Variants in RDX observed in about 807,000 individuals in gnomAD.
The protein encoded by RDX is radixin.
A neutral mutation model predicts 83.7 loss-of-function variants in RDX; 32 were observed. The observed-to-expected ratio is 0.38, with a 90% CI of 0.29 to 0.51. The LOEUF (loss-of-function observed/expected upper bound fraction) is 0.51, where lower values mean the gene tolerates loss of function less well. RDX is among the 20% of genes least tolerant of loss of function. The pLI, the probability that RDX is intolerant of heterozygous loss-of-function variation, is 0.87. For missense variants in RDX, 600 were observed against 689.9 expected, an observed-to-expected ratio of 0.87 and a Z score of 1.46; for synonymous variants, 229 against 222.7, an observed-to-expected ratio of 1.03 and a Z score of -0.25.
At position 110,258,086 on chromosome 11, in the gene RDX, G is replaced by A; in HGVS notation, c.551+20C>T. ...ACTTTGAAGGAAAAAAGAAAACATA[G>A]AAAATAGCTACCCAAATACCTTAAC... On this transcript the variant is annotated intron_variant, in intron 6 of 13. Coordinates refer to ENST00000645495, the MANE Select transcript of RDX (RefSeq NM_002906.4). The A allele has an allele frequency of 6.4e-7, 1 of 1,564,016 alleles. No homozygotes were observed. The highest frequency in any genetic ancestry group is 8.8e-7 in the Non-Finnish European group (1 of 1,138,496).
intron 14 of RDX, among the ~76,000 whole-genome samples, chr11:110,222,405 G>C (rs1049674968): frequency 6.6e-5 from 10 of 152,128 alleles, no homozygotes; most frequent in African/African-American, 2.4e-4. Flanking sequence ...ATATCCAGAG[G>C]ATTAGGTTCT....
At chr11:110,228,099 G>A (rs1864490457), downstream of RDX, among the ~76,000 whole-genome samples, 1 of 151,954 alleles carries the variant, frequency 6.6e-6, no homozygotes, top group African/African-American at 2.4e-5. Flanking sequence ...TTGATACATG[G>A]ACATAGTAAG....
At chr11:110,279,017 C>G (rs1337206772) in intron 2 of RDX, among the ~76,000 whole-genome samples, 1 of 152,118 alleles carries the variant, frequency 6.6e-6, no homozygotes, top group African/African-American at 2.4e-5. Context: ...TATATAATAT[C>G]AGTATGGGTA....
intron 10 of RDX, among the ~76,000 whole-genome samples, chr11:110,244,921 T>A (rs1859035743): frequency 6.6e-6 from 1 of 151,810 alleles, no homozygotes; most frequent in Non-Finnish European, 1.5e-5. Context: ...AAATTGAGCC[T>A]CATACTTGAG....
chr11:110,268,555 A>G (rs539239664), intron 3 of RDX, among the ~76,000 whole-genome samples: 1 of 152,344 alleles, frequency 6.6e-6, no homozygotes, highest in Non-Finnish European at 1.5e-5. Context: ...GAGAAGTATA[A>G]CAAAGCAGCT....
intron 1 of RDX, among the ~76,000 whole-genome samples, chr11:110,291,817 G>A (rs1368582958): frequency 1.3e-5 from 2 of 152,110 alleles, no homozygotes; most frequent in African/African-American, 4.8e-5. Flanking sequence ...TTGAGCCTCT[G>A]GACTTTTAGT....
rs146031062 is a variant in RDX, at chr11:110,231,890, G to T, written c.1731C>A (p.Ile577=). Residue 577 remains isoleucine, a synonymous_variant, in exon 14 of 14, where the codon ATC becomes ATA. Transcript: ENST00000645495. ...GCTCTCACATTGCTTCAAACTCATC[G>T]ATACGCTGCTTTGTATTGCCTTGTC... ...QIRQGNTKQR[I]DEFEAM is the part of the protein sequence containing the mutation. 1 of 1,612,860 alleles carries T rather than the reference G, an allele frequency of 6.2e-7. No homozygotes were observed. Among genetic ancestry groups the T allele is most frequent in the East Asian group, 2.2e-5 (1 of 44,878 alleles).
chr11:110,203,400 A>T (rs1330305649), intron 14 of RDX, among the ~76,000 whole-genome samples: 1 of 144,100 alleles, frequency 6.9e-6, no homozygotes, highest in African/African-American at 2.6e-5. Flanking sequence ...GGGAGGTGAG[A>T]ATTGTTAATG....
chr11:110,217,846 T>C (rs1864110283), intron 14 of RDX, among the ~76,000 whole-genome samples: 1 of 144,816 alleles, frequency 6.9e-6, no homozygotes, highest in South Asian at 2.2e-4. Flanking sequence ...TACCTAGCTC[T>C]GAGTGCCTCT....
chr11:110,215,157 G>A lies in RDX; in HGVS notation c.1749-15479C>T, dbSNP rs1160244141. On this transcript the variant is annotated intron_variant, in intron 14 of 15. Coordinates refer to the RDX transcript ENST00000528498. Reference sequence around the variant, plus strand: ...GGGCGGATCACGAGGTCAGGAGATCGAGACAATCCTGGCTAACATGGTGAA... The same window carrying A: ...GGGCGGATCACGAGGTCAGGAGATCAAGACAATCCTGGCTAACATGGTGAA... Among the ~76,000 whole-genome samples, 10 of 150,024 alleles carry A rather than the reference G, an allele frequency of 6.7e-5. No individual in the cohort carries two copies. In the South Asian group the frequency reaches 8.4e-4, roughly 13 times the overall value.
At chr11:110,248,707 A>C (rs371731278) in intron 9 of RDX, among the ~76,000 whole-genome samples, 6 of 152,186 alleles carry the variant, frequency 3.9e-5, no homozygotes, top group Admixed American at 2.0e-4. Flanking sequence ...CCCCAAGAAA[A>C]TATCTTCTTT....
chr11:110,198,517 T>C (rs1224443282), intron 15 of RDX, among the ~76,000 whole-genome samples: 2 of 152,320 alleles, frequency 1.3e-5, no homozygotes, highest in South Asian at 2.1e-4. Flanking sequence ...ACAAGCATTA[T>C]GGCCTGAGCG....
intron 2 of RDX, among the ~76,000 whole-genome samples, chr11:110,274,737 A>C: frequency 6.6e-6 from 1 of 152,194 alleles, no homozygotes; most frequent in Admixed American, 6.5e-5. Flanking sequence ...ATATGTTTCT[A>C]AGATTCATTG....
chr11:110,222,638 T>C (rs1162525047), intron 14 of RDX, among the ~76,000 whole-genome samples: 4 of 151,994 alleles, frequency 2.6e-5, no homozygotes, highest in Admixed American at 2.0e-4. Context: ...CTACTAAAAA[T>C]ACAAAAACTT....
intron 1 of RDX, among the ~76,000 whole-genome samples, chr11:110,296,068 C>A (rs1591197071): frequency 6.6e-6 from 1 of 152,366 alleles, no homozygotes; most frequent in East Asian, 1.9e-4. Context: ...TGGGACCATG[C>A]CAGCCCGGGC....
At chr11:110,281,102 T>G (rs1441171473) in intron 1 of RDX, among the ~76,000 whole-genome samples, 1 of 146,240 alleles carries the variant, frequency 6.8e-6, no homozygotes, top group African/African-American at 2.5e-5. Flanking sequence ...AAAGCAGAGG[T>G]TGCAGTGAGC....
At chr11:110,192,680 A>G (rs952387924) in intron 15 of RDX, among the ~76,000 whole-genome samples, 26 of 152,308 alleles carry the variant, frequency 1.7e-4, no homozygotes, top group Non-Finnish European at 2.5e-4. Context: ...CAAAAAACAA[A>G]TAACTCCATT....
Position 110,289,653 on chromosome 11 carries a change from A to C in RDX, c.-65+6814T>G, listed in dbSNP as rs576693587. Among the ~76,000 whole-genome samples, 389 of 152,230 alleles carry C rather than the reference A, an allele frequency of 2.6e-3. 2 individuals carry two copies. Among genetic ancestry groups the C allele is most frequent in the African/African-American group, 8.7e-3 (363 of 41,534 alleles). On this transcript the variant is annotated intron_variant, in intron 1 of 13. Coordinates refer to ENST00000645495, the MANE Select transcript of RDX (RefSeq NM_002906.4). ...TTATGTTGACTGGGGGCGGTGGCTC[A>C]CACCAGAAATCTCGGCACTTTGGGA...
Position 110,254,378 on chromosome 11 carries a change from C to A in RDX, c.796-269G>T, listed in dbSNP as rs151280009. On this transcript the variant is annotated intron_variant, in intron 8 of 13. Coordinates refer to ENST00000645495, the MANE Select transcript of RDX (RefSeq NM_002906.4). ...TAAATGTCATTTATTCCTTTTTGTT[C>A]TCGAAAGTAACTATGAGCACCTGTT... 1.3e-4 allele frequency among the ~76,000 whole-genome samples: 20 copies of A among 152,140 alleles called. 1 individual carries two copies. In the East Asian group the frequency reaches 3.9e-3, roughly 29 times the overall value.
Sources: allele counts gnomAD v4.1 joint callset (sites outside exome capture counted in the v4.1 genomes callset), GRCh38; gene constraint gnomAD v4.1.1; transcripts MANE v1.5; gene names NCBI Gene and HGNC (gene_info 2026-07-23, HGNC 2026-07-21).